The following DCTN1 variants were observed in gnomAD, a reference collection of about 807,000 sequenced individuals.
The protein encoded by DCTN1 is 150 kDa dynein-associated polypeptide.
Under a neutral mutation model 161.2 loss-of-function variants are expected in DCTN1, and 61 were observed. The observed-to-expected ratio is 0.38, with a 90% CI of 0.31 to 0.47. The LOEUF (loss-of-function observed/expected upper bound fraction) is 0.47, where lower values mean the gene tolerates loss of function less well. DCTN1 is among the 20% of genes least tolerant of loss of function. DCTN1 has a pLI of 0.99. For missense variants in DCTN1, 1,404 were observed against 1,623.7 expected, an observed-to-expected ratio of 0.86 and a Z score of 2.33; for synonymous variants, 653 against 632.4, an observed-to-expected ratio of 1.03 and a Z score of -0.49.
At chr2:74,373,850 G>T (rs1302659296) in intron 6 of DCTN1, among the ~76,000 whole-genome samples, 1 of 152,196 alleles carries the variant, frequency 6.6e-6, no homozygotes, top group Non-Finnish European at 1.5e-5. Flanking sequence ...ACAGCTGTGG[G>T]TCAAAGACTA....
At chr2:74,366,954 G>A in intron 20 of DCTN1, 22 bp from the exon 21 acceptor site, 3 of 1,614,186 alleles carry the variant, frequency 1.9e-6, no homozygotes, top group South Asian at 1.1e-5. Flanking sequence ...AAAGAAAATG[G>A]ATGGAGAACC....
upstream of DCTN1, chr2:74,380,646 T>TC: frequency 2.2e-6 from 1 of 453,796 alleles, no homozygotes; most frequent in Non-Finnish European, 4.6e-6. Flanking sequence ...TCTCTCTCCC[T>TC]CCCCTCTCTA....
intron 7 of DCTN1, 110 bp downstream of exon 7, chr2:74,372,818 A>G: frequency 2.7e-6 from 3 of 1,126,642 alleles, no homozygotes; most frequent in Non-Finnish European, 4.1e-6. Context: ...AGAACCCAGG[A>G]TACACTATGA....
intron 1 of DCTN1, among the ~76,000 whole-genome samples, chr2:74,379,602 G>T: frequency 6.6e-6 from 1 of 152,134 alleles, no homozygotes; most frequent in East Asian, 1.9e-4. Flanking sequence ...TCAGAACCAG[G>T]GGGCCACAAC....
rs1175136166 is a variant in DCTN1, at chr2:74,368,669, T to C, written c.1854+59A>G. 2.5e-6 allele frequency: 4 copies of C among 1,613,024 alleles called. No individual in the cohort carries two copies. The South Asian group carries it at 3.3e-5, about 13-fold the overall frequency. On this transcript the variant is annotated intron_variant, in intron 16 of 31. Coordinates refer to ENST00000628224, the MANE Select transcript of DCTN1 (RefSeq NM_004082.5). ...TGTTGTCTTCACTCAGCATCTTCAA[T>C]GCCTGGTTCATGGCAAGTTCACTAG...
intron 5 of DCTN1, among the ~76,000 whole-genome samples, chr2:74,376,395 T>C (rs1420831735): frequency 6.6e-6 from 1 of 152,196 alleles, no homozygotes; most frequent in Non-Finnish European, 1.5e-5. Flanking sequence ...CCTTCCACAG[T>C]CGTCCAAGCT....
intron 6 of DCTN1, 55 bp from the exon 7 acceptor site, chr2:74,373,003 CAG>C: frequency 6.4e-7 from 1 of 1,553,324 alleles, no homozygotes; most frequent in Non-Finnish European, 8.9e-7. Flanking sequence ...AGGACAATGG[CAG>C]AAAGACAGAG....
chr2:74,388,197 A>AAAAAAAAAAC (rs1675828887), intron 1 of DCTN1, among the ~76,000 whole-genome samples: 2 of 150,668 alleles, frequency 1.3e-5, no homozygotes, highest in South Asian at 4.2e-4. Flanking sequence ...ACTGTATCTC[A>AAAAAAAAAAC]AAAACAAAAC....
chr2:74,362,623 G>A, intron 30 of DCTN1, 27 bp downstream of exon 30: 1 of 1,610,522 alleles, frequency 6.2e-7, no homozygotes, highest in Non-Finnish European at 8.5e-7. Flanking sequence ...GCTGTGAAGT[G>A]AGCTCTGCCT....
rs1488334244 is a variant in DCTN1 at position 74,366,872 on chromosome 2, C to T, written c.2377G>A (p.Asp793Asn). The T allele has an allele frequency of 2.5e-6, 4 of 1,614,232 alleles. No homozygotes were observed. The highest frequency in any genetic ancestry group is 3.4e-6 in the Non-Finnish European group (4 of 1,180,048). The change falls in exon 21 of 32, where the codon GAC becomes AAC. Residue 793 changes from aspartate (D) to asparagine (N), a missense_variant. By Grantham distance (23) the Asp-to-Asn change is conservative. This residue lies in a region of DCTN1 where 475 missense variants were observed against 489.8 expected (regional missense o/e 0.97). Transcript: ENST00000628224. The part of the protein sequence containing the change: ...LLRDLETSCS[D>N]IRQFCKKIRR... ...ATCTTCTTGCAGAACTGGCGGATGT[C>T]ACTGCATGAAGTTTCCAGATCCCGG...
At chr2:74,386,154 C>A (rs1573188551) in intron 1 of DCTN1, among the ~76,000 whole-genome samples, 1 of 152,282 alleles carries the variant, frequency 6.6e-6, no homozygotes. Context: ...TCCATGCCAC[C>A]ATCATGCCCA....
Position 74,370,431 on chromosome 2 carries a change from G to C in DCTN1, c.1127+35C>G. 5 of 1,614,142 alleles carry C rather than the reference G, an allele frequency of 3.1e-6. No homozygotes were observed. The highest frequency in any genetic ancestry group is 4.2e-6 in the Non-Finnish European group (5 of 1,180,020). On this transcript the variant is annotated intron_variant, in intron 11 of 31. Transcript: ENST00000628224. The surrounding 1 kb of genome is among the most constrained non-coding windows in gnomAD (Gnocchi z 4.4). ...TGCTCTAACACATTTGGAGACACAA[G>C]AGTAAGCATCAGAGGCAAGCACTGA...
chr2:74,379,923 AG>A (rs1675433422), intron 1 of DCTN1, 81 bp downstream of exon 1: 1 of 1,426,930 alleles, frequency 7.0e-7, no homozygotes, highest in East Asian at 2.3e-5. Context: ...CTATCTCCCC[AG>A]CCCCCACAGC....
In DCTN1 at chr2:74,369,947, G is replaced by A; in HGVS notation, c.1392+18C>T. 6.2e-7 allele frequency: 1 copy of A among 1,610,798 alleles called. No homozygotes were observed. Among genetic ancestry groups the A allele is most frequent in the South Asian group, 1.1e-5 (1 of 91,004 alleles). On this transcript the variant is annotated intron_variant, in intron 13 of 31. Transcript: ENST00000628224. This position sits in a 1 kb window ranked among gnomAD's most constrained non-coding sequence, Gnocchi z 4.9. Reference sequence around the variant, plus strand: ...CAGCAGGTCCAAGTCAGATGTCAGGGGTCTGCTCTTCTCTTACCAAGTCTC... The same window carrying A: ...CAGCAGGTCCAAGTCAGATGTCAGGAGTCTGCTCTTCTCTTACCAAGTCTC...
chr2:74,362,216 C>G (rs1047722686), intron 30 of DCTN1, 75 bp from the exon 31 acceptor site: 334 of 1,347,696 alleles, frequency 2.5e-4, no homozygotes, highest in Non-Finnish European at 2.3e-4. Flanking sequence ...CGTGGTTTCA[C>G]AGAGACACTA....
intron 4 of DCTN1, 147 bp downstream of exon 4, chr2:74,377,285 C>G: frequency 1.3e-6 from 1 of 756,400 alleles, no homozygotes; most frequent in South Asian, 1.5e-5. Context: ...AATTAATCCC[C>G]AGAAAGCCTC....
chr2:74,362,749 G>T lies in DCTN1; in HGVS notation c.3530-20C>A. 6.2e-7 allele frequency: 1 copy of T among 1,612,962 alleles called. No individual in the cohort carries two copies. The highest frequency in any genetic ancestry group is 8.5e-7 in the Non-Finnish European group (1 of 1,179,380). On this transcript the variant is annotated intron_variant, in intron 29 of 31. Coordinates refer to ENST00000628224, the MANE Select transcript of DCTN1 (RefSeq NM_004082.5). Reference sequence around the variant, plus strand: ...TGGCAGCTGTGGGGAGAGAAAGCTGGTGAGGCCCACCAAGGCGCAGGCAGG... The same window carrying T: ...TGGCAGCTGTGGGGAGAGAAAGCTGTTGAGGCCCACCAAGGCGCAGGCAGG...
In DCTN1 at chr2:74,380,276, A is replaced by C; in HGVS notation, c.-239T>G. ...CCTGAGGATTCCTGAACCCAGAGAC[A>C]CAGAATCCTGCTTGCCAGCTGATGA... On this transcript the variant is annotated 5_prime_UTR_variant, in exon 1 of 32. Transcript: ENST00000628224. 1.6e-6 allele frequency: 1 copy of C among 616,458 alleles called. No individual in the cohort carries two copies. The highest frequency in any genetic ancestry group is 3.0e-6 in the Non-Finnish European group (1 of 337,940). 38.2% of individuals were successfully genotyped at this position (616,458 alleles called of 1,614,324 possible). A position where few individuals can be genotyped will look rare whatever the true frequency, so the allele number is the denominator to read the frequency against.
intron 6 of DCTN1, 188 bp downstream of exon 6, chr2:74,374,135 C>A: frequency 1.5e-6 from 1 of 670,882 alleles, no homozygotes; most frequent in Non-Finnish European, 2.7e-6. Flanking sequence ...GCAGGCAAGG[C>A]AGTAAGCAAA....
Sources: allele counts gnomAD v4.1 joint callset (sites outside exome capture counted in the v4.1 genomes callset), GRCh38; gene constraint gnomAD v4.1.1; regional missense constraint gnomAD v4.1.1; non-coding constraint Gnocchi (gnomAD v3.1); transcripts MANE v1.5; gene names NCBI Gene and HGNC (gene_info 2026-07-23, HGNC 2026-07-21).